LONRF1: variants seen among roughly 807,000 people sequenced by gnomAD.
LONRF1 encodes LON peptidase N-terminal domain and ring finger 1, also known as LON peptidase N-terminal domain and RING finger protein 1.
In LONRF1, 37 loss-of-function variants were observed where a neutral mutation model predicts 85.8. The observed-to-expected ratio is 0.43, with a 90% CI of 0.33 to 0.57. The LOEUF is 0.57. Ranked by LOEUF, LONRF1 falls within the 20% of genes least tolerant of loss-of-function variation. LONRF1 has a pLI of 0.04. For synonymous variants in LONRF1, 517 were observed against 390.1 expected (o/e 1.33, Z -3.83); for missense variants, 1,036 against 978.0 (o/e 1.06, Z -0.79).
At chr8:12,732,826 T>C (rs1012081461) in intron 7 of LONRF1, among the ~76,000 whole-genome samples, 6 of 152,158 alleles carry the variant, frequency 3.9e-5, no homozygotes, top group Admixed American at 2.0e-4. Context: ...GCACAGAACT[T>C]TGTACAAAGA....
In LONRF1 at chr8:12,742,098, T is replaced by C. The variant is rs1262555241; in HGVS notation, c.840+1066A>G. ...AAAACCTTTCTGATTACATCACTTCTGTGGCAAATCCAAAAGATTCCTTTT... is the reference window on the plus strand; with the variant it reads ...AAAACCTTTCTGATTACATCACTTCCGTGGCAAATCCAAAAGATTCCTTTT... On this transcript the variant is annotated intron_variant, in intron 2 of 11. Transcript: ENST00000398246. Among the ~76,000 whole-genome samples the C allele has an allele frequency of 2.0e-5, 3 of 152,238 alleles. No individual in the cohort carries two copies. The East Asian group carries it at 5.8e-4, about 29-fold the overall frequency.
chr8:12,726,178 T>C (rs913903929), intron 10 of LONRF1, among the ~76,000 whole-genome samples: 1 of 152,194 alleles, frequency 6.6e-6, no homozygotes, highest in Non-Finnish European at 1.5e-5. Flanking sequence ...GAGTGAGTTC[T>C]GGTTCAGAGG....
intron 10 of LONRF1, 47 bp from the exon 11 acceptor site, chr8:12,725,926 C>T (rs1388505111): frequency 6.5e-7 from 1 of 1,535,396 alleles, no homozygotes; most frequent in Non-Finnish European, 8.9e-7. Context: ...ATCCCCCGTC[C>T]ATATGCCATA....
At chr8:12,749,269 T>C (rs555768448) in intron 1 of LONRF1, among the ~76,000 whole-genome samples, 209 of 152,120 alleles carry the variant, frequency 1.4e-3, no homozygotes, top group African/African-American at 4.5e-3. Flanking sequence ...ATAAGAAACA[T>C]CTTTAGGGAT....
intron 3 of LONRF1, among the ~76,000 whole-genome samples, chr8:12,740,390 C>G (rs548103686): frequency 1.3e-5 from 2 of 152,250 alleles, no homozygotes; most frequent in African/African-American, 4.8e-5. Flanking sequence ...TCCCCCATCT[C>G]CTATCTTTAA....
chr8:12,730,692 T>C (rs1798494494), intron 8 of LONRF1, among the ~76,000 whole-genome samples: 2 of 152,230 alleles, frequency 1.3e-5, no homozygotes, highest in Non-Finnish European at 2.9e-5. Context: ...AGGTTCATAA[T>C]TGTCATATCA....
In LONRF1 at chr8:12,723,083, T is replaced by C. The variant is rs1805979350; in HGVS notation, c.*13A>G. 6.2e-7 allele frequency: 1 copy of C among 1,602,298 alleles called. No individual in the cohort carries two copies. Among genetic ancestry groups the C allele is most frequent in the South Asian group, 1.1e-5 (1 of 89,012 alleles). ...AGATTAGGGTCACTTTAAAGGGAGA[T>C]CCAAAGAGTTAGTTACTTAGATTGG... On this transcript the variant is annotated 3_prime_UTR_variant, in exon 12 of 12. Coordinates refer to ENST00000398246, the MANE Select transcript of LONRF1 (RefSeq NM_152271.5).
chr8:12,729,393 C>G, intron 8 of LONRF1, 61 bp from the exon 9 acceptor site: 4 of 1,513,298 alleles, frequency 2.6e-6, no homozygotes, highest in Non-Finnish European at 2.7e-6. Flanking sequence ...CGAACACATA[C>G]AAAAAATGAG....
intron 1 of LONRF1, chr8:12,753,841 C>G (rs763011834): frequency 6.6e-6 from 1 of 152,280 alleles, no homozygotes; most frequent in African/African-American, 2.4e-5. Flanking sequence ...TCCCCACAGC[C>G]TGATCCTAAG....
At chr8:12,751,304 T>TTTTTTTG (rs71205088) in intron 1 of LONRF1, among the ~76,000 whole-genome samples, 19 of 122,082 alleles carry the variant, frequency 1.6e-4, no homozygotes, top group Non-Finnish European at 2.5e-4. Flanking sequence ...ATGTTTTTTT[T>TTTTTTTG]TTTTTTTTTT....
At chr8:12,727,997 G>C (rs1798385295) in intron 10 of LONRF1, among the ~76,000 whole-genome samples, 1 of 152,096 alleles carries the variant, frequency 6.6e-6, no homozygotes, top group Non-Finnish European at 1.5e-5. Flanking sequence ...CCTCTGAATT[G>C]TACTTTCCTC....
intron 1 of LONRF1, 126 bp downstream of exon 1, chr8:12,754,574 G>C: frequency 9.5e-7 from 1 of 1,049,700 alleles, no homozygotes. Context: ...GACCCGACAC[G>C]CCAGCGGCCC....
chr8:12,739,878 C>A (rs1288413471), intron 3 of LONRF1, among the ~76,000 whole-genome samples: 1 of 152,104 alleles, frequency 6.6e-6, no homozygotes, highest in Non-Finnish European at 1.5e-5. Context: ...AATCAGTGGG[C>A]TAGAATGTAT....
At position 12,736,901 on chromosome 8, in the gene LONRF1, T is replaced by A. The variant is rs201101179; in HGVS notation, c.1353A>T (p.Gly451=). 1.9e-6 allele frequency: 3 copies of A among 1,604,930 alleles called. No individual in the cohort carries two copies. Among genetic ancestry groups the A allele is most frequent in the Non-Finnish European group, 2.6e-6 (3 of 1,176,086 alleles). Residue 451 remains glycine (G), a splice_region_variant and synonymous_variant, in exon 5 of 12, where the codon GGA becomes GGT. Coordinates refer to ENST00000398246, the MANE Select transcript of LONRF1 (RefSeq NM_152271.5). ...ATAAGTGTAGAGCAAAATTTTTACC[T>A]CCTTGTTTTTTCAGCTTATTTCTTC... ...EDGRNKLKKQ[G]ETPNEVCMFS...
intron 10 of LONRF1, 63 bp downstream of exon 10, chr8:12,728,838 G>C: frequency 6.4e-7 from 1 of 1,571,812 alleles, no homozygotes; most frequent in East Asian, 2.2e-5. Flanking sequence ...TAGCCTGCAT[G>C]CCTGTACCAA....
At chr8:12,736,288 T>A (rs552901718) in intron 6 of LONRF1, among the ~76,000 whole-genome samples, 1 of 152,210 alleles carries the variant, frequency 6.6e-6, no homozygotes, top group Non-Finnish European at 1.5e-5. Flanking sequence ...AAAGACTTTA[T>A]GGTTAATATA....
At position 12,738,122 on chromosome 8, in the gene LONRF1, G is replaced by A; in HGVS notation, c.986C>T (p.Pro329Leu). The A allele has an allele frequency of 1.3e-6, 2 of 1,579,050 alleles. No individual in the cohort carries two copies. The highest frequency in any genetic ancestry group is 1.4e-5 in the African/African-American group (1 of 73,712). The change falls in exon 4 of 12, where the codon CCT becomes CTT. Residue 329 changes from proline (P) to leucine (L), a missense_variant. Coordinates refer to ENST00000398246, the MANE Select transcript of LONRF1 (RefSeq NM_152271.5). ...VQKILCDLLLPENLKEGLKES... is the reference protein window; with the variant it reads ...VQKILCDLLLLENLKEGLKES... Reference sequence around the variant, plus strand: ...CTTCAGGCCTTCTTTTAAGTTTTCAGGTAATAATAAATCACATAAAATCTG... The same window carrying A: ...CTTCAGGCCTTCTTTTAAGTTTTCAAGTAATAATAAATCACATAAAATCTG...
intron 10 of LONRF1, among the ~76,000 whole-genome samples, chr8:12,726,283 A>G (rs1290505486): frequency 1.3e-5 from 2 of 152,160 alleles, no homozygotes; most frequent in African/African-American, 2.4e-5. Flanking sequence ...AAAAGAAAAG[A>G]TAAGTAGTTA....
chr8:12,750,566 C>T (rs1260019380), intron 1 of LONRF1, among the ~76,000 whole-genome samples: 1 of 152,150 alleles, frequency 6.6e-6, no homozygotes, highest in Non-Finnish European at 1.5e-5. Context: ...GTAACTGAAA[C>T]CACAAATAAG....
Sources: gnomAD v4.1 joint callset for allele counts (sites outside exome capture counted in the v4.1 genomes callset) on GRCh38, gnomAD v4.1.1 for gene constraint, MANE v1.5 for transcripts, NCBI Gene and HGNC (gene_info 2026-07-23, HGNC 2026-07-21) for gene names.